Variants in ADAMTSL1 observed in about 807,000 individuals in gnomAD.
ADAMTSL1 encodes ADAMTS-like protein 1.
In ADAMTSL1, 126 loss-of-function variants were observed where a neutral mutation model predicts 201.8. The observed-to-expected ratio is 0.62, with a 90% confidence interval of 0.54 to 0.72. ADAMTSL1 has a LOEUF of 0.72. Ranked by LOEUF, ADAMTSL1 falls within the 30% of genes least tolerant of loss-of-function variation. The pLI is 0.00. For synonymous variants in ADAMTSL1, 1,121 were observed against 903.4 expected (o/e 1.24, Z -4.32); for missense variants, 2,679 against 2,277.8 (o/e 1.18, Z -3.59).
chr9:18,056,862 T>G (rs1822213235), intron 1 of ADAMTSL1, among the ~76,000 whole-genome samples: 1 of 152,114 alleles, frequency 6.6e-6, no homozygotes, highest in Non-Finnish European at 1.5e-5. Flanking sequence ...TCAGTGCCTC[T>G]TCCTCACTTT....
At chr9:18,894,402 A>C (rs979184944) in intron 26 of ADAMTSL1, among the ~76,000 whole-genome samples, 3 of 150,130 alleles carry the variant, frequency 2.0e-5, no homozygotes, top group African/African-American at 7.4e-5. Flanking sequence ...TCAAATTGGC[A>C]AGTGAAAGGA....
At chr9:17,944,035 C>T (rs1827351838) in intron 1 of ADAMTSL1, among the ~76,000 whole-genome samples, 1 of 151,612 alleles carries the variant, frequency 6.6e-6, no homozygotes, top group Non-Finnish European at 1.5e-5. Flanking sequence ...ATGAGCAATC[C>T]ACCCTATGAT....
At chr9:18,298,744 C>T (rs1308073616) in intron 2 of ADAMTSL1, among the ~76,000 whole-genome samples, 1 of 151,672 alleles carries the variant, frequency 6.6e-6, no homozygotes, top group East Asian at 1.9e-4. Flanking sequence ...CAATAATAGG[C>T]CGGGCTCGGT....
At chr9:18,788,520 G>A (rs1369192857) in intron 19 of ADAMTSL1, among the ~76,000 whole-genome samples, 1 of 152,030 alleles carries the variant, frequency 6.6e-6, no homozygotes, top group African/African-American at 2.4e-5. Context: ...TACTAGCTGA[G>A]CAAATTGCTT....
chr9:18,508,955 C>T (rs1441090749), intron 2 of ADAMTSL1, among the ~76,000 whole-genome samples: 2 of 94,626 alleles, frequency 2.1e-5, no homozygotes, highest in African/African-American at 5.2e-5. Flanking sequence ...GAGGCCGAGG[C>T]GGGTGGATCA....
intron 2 of ADAMTSL1, among the ~76,000 whole-genome samples, chr9:18,277,646 C>T (rs1188371819): frequency 1.3e-5 from 2 of 152,180 alleles, no homozygotes; most frequent in African/African-American, 2.4e-5. Context: ...TATCCCTACT[C>T]TTTCAGCTAT....
chr9:18,334,053 G>C (rs1271774934), intron 2 of ADAMTSL1, among the ~76,000 whole-genome samples: 3 of 152,142 alleles, frequency 2.0e-5, no homozygotes, highest in Non-Finnish European at 4.4e-5. Flanking sequence ...TTCAAACTCA[G>C]ATCTGCCTCC....
intron 1 of ADAMTSL1, among the ~76,000 whole-genome samples, chr9:18,022,165 C>G (rs1164981305): frequency 6.6e-6 from 1 of 152,066 alleles, no homozygotes; most frequent in East Asian, 1.9e-4. Context: ...AGGTTTGGTT[C>G]AGCACTTTCT....
intron 1 of ADAMTSL1, among the ~76,000 whole-genome samples, chr9:17,979,453 G>T (rs1818594248): frequency 6.6e-6 from 1 of 151,796 alleles, no homozygotes; most frequent in Admixed American, 6.6e-5. Context: ...AAAGATCAGG[G>T]TCATGCTTGA....
chr9:18,574,525 G>A, intron 4 of ADAMTSL1: 1 of 580,574 alleles, frequency 1.7e-6, no homozygotes, highest in Non-Finnish European at 3.0e-6. Flanking sequence ...TTTGAATAGT[G>A]TTTATCAATT....
chr9:18,081,647 A>ATAGTTT (rs1157580930), intron 1 of ADAMTSL1, among the ~76,000 whole-genome samples: 3 of 152,216 alleles, frequency 2.0e-5, no homozygotes, highest in Admixed American at 6.5e-5. Flanking sequence ...AATCAGGAAC[A>ATAGTTT]TAGTTTTTAA....
intron 4 of ADAMTSL1, among the ~76,000 whole-genome samples, chr9:18,599,153 A>G (rs746759199): frequency 2.0e-5 from 3 of 152,198 alleles, no homozygotes; most frequent in Non-Finnish European, 4.4e-5. Flanking sequence ...ATTGAGCCAC[A>G]TGATATAATG....
intron 16 of ADAMTSL1, among the ~76,000 whole-genome samples, chr9:18,755,734 G>A (rs1819711875): frequency 6.6e-6 from 1 of 152,074 alleles, no homozygotes; most frequent in Admixed American, 6.5e-5. Context: ...CTTTGGGCCT[G>A]CGAAGATATG....
rs573971511 is a variant in ADAMTSL1 at position 18,544,479 on chromosome 9, G to A, written c.237+11187G>A. Among the ~76,000 whole-genome samples the A allele has an allele frequency of 3.3e-5, 5 of 152,062 alleles. No individual in the cohort carries two copies. The East Asian group carries it at 7.7e-4, about 24-fold the overall frequency. On this transcript the variant is annotated intron_variant, in intron 3 of 28. Transcript: ENST00000380548. The stretch of plus-strand genomic sequence containing the variant: ...TGGCATCTTTCTAGTATACTTAAAG[G>A]GCCATAGGAGATATTGTCCCCTAAA...
At chr9:18,781,246 G>C (rs138884627) in intron 19 of ADAMTSL1, among the ~76,000 whole-genome samples, 41 of 152,262 alleles carry the variant, frequency 2.7e-4, no homozygotes, top group African/African-American at 7.9e-4. Context: ...ACATCGTTGT[G>C]GGGGAGGGTA....
intron 1 of ADAMTSL1, among the ~76,000 whole-genome samples, chr9:17,914,132 A>G (rs1588405968): frequency 6.6e-6 from 1 of 152,224 alleles, no homozygotes; most frequent in Non-Finnish European, 1.5e-5. Flanking sequence ...AACTATTCCA[A>G]TCAATAGAAA....
chr9:18,238,885 A>G (rs1041896190), intron 2 of ADAMTSL1, among the ~76,000 whole-genome samples: 1 of 152,220 alleles, frequency 6.6e-6, no homozygotes, highest in Non-Finnish European at 1.5e-5. Flanking sequence ...CAATATACGC[A>G]TACCTCAGAG....
intron 13 of ADAMTSL1, among the ~76,000 whole-genome samples, chr9:18,703,701 CATATATATATATATATATATATATAT>C (rs72258520): frequency 2.5e-5 from 2 of 78,812 alleles, no homozygotes; most frequent in African/African-American, 4.7e-5. Flanking sequence ...TGCGCACATA[CATATATATATATATATATATATATAT>C]ATATATATGT....
intron 1 of ADAMTSL1, among the ~76,000 whole-genome samples, chr9:18,079,324 T>C (rs1345071260): frequency 6.6e-6 from 1 of 152,240 alleles, no homozygotes; most frequent in East Asian, 1.9e-4. Context: ...TGCTATCGCA[T>C]CTTGATACCT....
Sources: gnomAD v4.1 joint callset for allele counts (sites outside exome capture counted in the v4.1 genomes callset) on GRCh38, gnomAD v4.1.1 for gene constraint, MANE v1.5 for transcripts, NCBI Gene and HGNC (gene_info 2026-07-23, HGNC 2026-07-21) for gene names.